Variants in ZNF423 observed in about 807,000 individuals in gnomAD.
ZNF423 encodes zinc finger protein 423.
A neutral mutation model predicts 95.8 loss-of-function variants in ZNF423; 12 were observed. The ratio of observed to expected loss-of-function variants is 0.13; its 90% CI spans 0.08 to 0.20. The LOEUF is 0.20. Ranked by LOEUF, ZNF423 falls within the 10% of genes least tolerant of loss-of-function variation. The pLI is 1.00. For missense variants in ZNF423, 1,316 were observed against 1,737.1 expected (o/e 0.76, Z 4.31); for synonymous variants, 749 against 711.9 (o/e 1.05, Z -0.83).
chr16:49,576,766 T>C (rs1970513362), intron 5 of ZNF423, among the ~76,000 whole-genome samples: 1 of 152,246 alleles, frequency 6.6e-6, no homozygotes, highest in South Asian at 2.1e-4. Context: ...ATTTTTTCCA[T>C]TGGCACTGGG....
At chr16:49,634,876 C>T (rs555459664) in intron 4 of ZNF423, among the ~76,000 whole-genome samples, 2 of 152,328 alleles carry the variant, frequency 1.3e-5, no homozygotes, top group East Asian at 3.9e-4. Flanking sequence ...TTGAAAGCCA[C>T]TTATCATGGG....
chr16:49,666,894 G>T (rs2030573945), intron 3 of ZNF423, among the ~76,000 whole-genome samples: 1 of 152,214 alleles, frequency 6.6e-6, no homozygotes, highest in African/African-American at 2.4e-5. Context: ...AAAAGGGCAG[G>T]GTGGGAAAGC....
chr16:49,827,012 CTA>C (rs1267964724), intron 1 of ZNF423: 1 of 152,164 alleles, frequency 6.6e-6, no homozygotes, highest in Non-Finnish European at 1.5e-5. Context: ...ATTTTCTTCT[CTA>C]TAGTTTTGTG....
At chr16:49,644,490 T>A (rs1596779976) in intron 3 of ZNF423, among the ~76,000 whole-genome samples, 1 of 130,148 alleles carries the variant, frequency 7.7e-6, no homozygotes, top group African/African-American at 2.9e-5. Context: ...CCCTGTCTCT[T>A]AAAAAAAAAA....
chr16:49,774,661 A>G (rs1372560230), intron 2 of ZNF423, among the ~76,000 whole-genome samples: 8 of 152,154 alleles, frequency 5.3e-5, no homozygotes, highest in Admixed American at 3.9e-4. Context: ...AGTAAGCAAC[A>G]GGTGGGTGGG....
At chr16:49,820,879 T>C (rs1411166214) in intron 1 of ZNF423, among the ~76,000 whole-genome samples, 2 of 152,258 alleles carry the variant, frequency 1.3e-5, no homozygotes, top group South Asian at 2.1e-4. Context: ...ATCCCCACAA[T>C]TGGGCTTTTG....
intron 2 of ZNF423, among the ~76,000 whole-genome samples, chr16:49,752,430 G>A (rs2033649881): frequency 6.6e-6 from 1 of 152,232 alleles, no homozygotes; most frequent in African/African-American, 2.4e-5. Context: ...GTCTGGGGGA[G>A]CAAGGCTGGT....
chr16:49,519,013 A>C (rs1422747040), intron 7 of ZNF423, among the ~76,000 whole-genome samples: 1 of 152,236 alleles, frequency 6.6e-6, no homozygotes, highest in Non-Finnish European at 1.5e-5. Context: ...GCAGTAAGCC[A>C]TGATCACACT....
At chr16:49,633,033 T>C (rs1166598705) in intron 4 of ZNF423, among the ~76,000 whole-genome samples, 1 of 152,164 alleles carries the variant, frequency 6.6e-6, no homozygotes, top group Non-Finnish European at 1.5e-5. Context: ...CAGCTGGCCT[T>C]TCCCTTCCTG....
intron 3 of ZNF423, among the ~76,000 whole-genome samples, chr16:49,671,866 G>C (rs1268454271): frequency 6.6e-6 from 1 of 152,000 alleles, no homozygotes; most frequent in East Asian, 1.9e-4. Context: ...TGTATTTTTA[G>C]TAGAGATGGG....
intron 2 of ZNF423, among the ~76,000 whole-genome samples, chr16:49,751,021 G>A (rs894086896): frequency 2.6e-5 from 4 of 152,176 alleles, no homozygotes; most frequent in African/African-American, 9.7e-5. Context: ...CCCGAGGAAG[G>A]CCCAGGACAC....
intron 7 of ZNF423, among the ~76,000 whole-genome samples, chr16:49,503,993 G>C (rs140387524): frequency 1.3e-5 from 2 of 152,336 alleles, no homozygotes; most frequent in African/African-American, 4.8e-5. Context: ...GAGGACACTA[G>C]GCCAGGTGGA....
chr16:49,772,058 G>A (rs1189076871), intron 2 of ZNF423, among the ~76,000 whole-genome samples: 1 of 152,180 alleles, frequency 6.6e-6, no homozygotes, highest in Non-Finnish European at 1.5e-5. Context: ...ATAGAAGCTG[G>A]AAACATCCCA....
intron 3 of ZNF423, among the ~76,000 whole-genome samples, chr16:49,701,264 G>T (rs1353256614): frequency 6.6e-6 from 1 of 152,258 alleles, no homozygotes; most frequent in African/African-American, 2.4e-5. Flanking sequence ...GCACGTGTGT[G>T]TGTAGGGTGG....
intron 5 of ZNF423, among the ~76,000 whole-genome samples, chr16:49,528,605 G>A (rs1002838009): frequency 7.9e-5 from 12 of 152,168 alleles, no homozygotes; most frequent in Non-Finnish European, 1.8e-4. Context: ...AAGCCTGAAG[G>A]GTTCCCGCAG....
intron 2 of ZNF423, among the ~76,000 whole-genome samples, chr16:49,763,552 C>T (rs1430116184): frequency 6.6e-6 from 1 of 152,094 alleles, no homozygotes; most frequent in Non-Finnish European, 1.5e-5. Flanking sequence ...AGTAGGTTCC[C>T]ACATGTCCCT....
rs545977248 is a variant in ZNF423, at chr16:49,855,511, TCCGCCGCCGCCGCCG to T, written c.40+209_40+223del. On this transcript the variant is annotated intron_variant, in intron 1 of 7. Coordinates refer to ENST00000563137, the MANE Select transcript of ZNF423 (RefSeq NM_001379286.1). The surrounding 1 kb of genome is among the most constrained non-coding windows in gnomAD (Gnocchi z 4.7). Reference sequence around the variant, plus strand: ...GGGAGGGTGTCCGCGGCGTACCCCCTCCGCCGCCGCCGCCGCCGCCGCCGCCTCCGCCTCCTGCTC... The same window carrying T: ...GGGAGGGTGTCCGCGGCGTACCCCCTCCGCCGCCGCCTCCGCCTCCTGCTC... 3.5e-5 allele frequency among the ~76,000 whole-genome samples: 5 copies of T among 143,842 alleles called. No individual in the cohort carries two copies. The highest frequency in any genetic ancestry group is 1.3e-4 in the African/African-American group (5 of 37,942). 94.4% of individuals were successfully genotyped at this position (143,842 alleles called of 152,430 possible).
intron 1 of ZNF423, among the ~76,000 whole-genome samples, chr16:49,836,941 T>C (rs1426870975): frequency 6.6e-6 from 1 of 152,174 alleles, no homozygotes; most frequent in Non-Finnish European, 1.5e-5. Context: ...TGGGAGAGCC[T>C]GAGCAATAGG....
intron 3 of ZNF423, among the ~76,000 whole-genome samples, chr16:49,677,465 G>T (rs912975895): frequency 6.6e-6 from 1 of 151,252 alleles, no homozygotes; most frequent in African/African-American, 2.4e-5. Flanking sequence ...GAAGAGAAGA[G>T]AAAAGAAAAG....
Sources: allele counts gnomAD v4.1 joint callset (sites outside exome capture counted in the v4.1 genomes callset), GRCh38; gene constraint gnomAD v4.1.1; non-coding constraint Gnocchi (gnomAD v3.1); transcripts MANE v1.5; gene names NCBI Gene and HGNC (gene_info 2026-07-23, HGNC 2026-07-21).